The following ABCA10 variants were observed in gnomAD, a reference collection of about 807,000 sequenced individuals.
ABCA10 encodes the protein ATP binding cassette subfamily A member 10, also known as ATP-binding cassette sub-family A member 10.
Under a neutral mutation model 187.5 loss-of-function variants are expected in ABCA10, and 169 were observed. The observed-to-expected ratio is 0.90, with a 90% confidence interval of 0.80 to 1.02. The LOEUF is 1.02. Among genes scored for constraint, ABCA10 ranks in the 50% least tolerant of loss-of-function variants. The pLI is 0.00. For missense variants in ABCA10, 1,727 were observed against 1,812.4 expected (o/e 0.95, Z 0.86); for synonymous variants, 574 against 601.8 (o/e 0.95, Z 0.68).
intron 1 of ABCA10, among the ~76,000 whole-genome samples, chr17:69,241,599 C>T (rs1415131757): frequency 6.6e-6 from 1 of 152,174 alleles, no homozygotes; most frequent in Admixed American, 6.5e-5. Flanking sequence ...ATATGCCACT[C>T]ACACCTTGCC....
chr17:69,208,482 A>C (rs1246905815), intron 9 of ABCA10, among the ~76,000 whole-genome samples: 3 of 151,876 alleles, frequency 2.0e-5, no homozygotes, highest in African/African-American at 7.3e-5. Context: ...ACAGAAAACC[A>C]AAAATTTAGT....
chr17:69,219,249 G>A (rs886102783), intron 6 of ABCA10, among the ~76,000 whole-genome samples: 3 of 152,156 alleles, frequency 2.0e-5, no homozygotes, highest in Non-Finnish European at 4.4e-5. Context: ...CACCCATACT[G>A]CAGACAAATG....
In ABCA10 at chr17:69,155,786, T is replaced by C. The variant is rs755588169; in HGVS notation, c.3576+19A>G. 2.5e-6 allele frequency: 4 copies of C among 1,612,068 alleles called. No homozygotes were observed. In the East Asian group the frequency reaches 8.9e-5, roughly 36 times the overall value. On this transcript the variant is annotated intron_variant, in intron 29 of 38. Transcript: ENST00000690296. Reference sequence around the variant, plus strand: ...AACTATCTGAGCATTTTATTAAGGGTCTAATCCCTGCTGTTCACCTCCTCC... The same window carrying C: ...AACTATCTGAGCATTTTATTAAGGGCCTAATCCCTGCTGTTCACCTCCTCC...
chr17:69,165,005 G>A lies in ABCA10; in HGVS notation c.3241C>T (p.Pro1081Ser), dbSNP rs1278301958. The A allele has an allele frequency of 1.9e-6, 3 of 1,613,142 alleles. No individual in the cohort carries two copies. Among genetic ancestry groups the A allele is most frequent in the East Asian group, 2.2e-5 (1 of 44,804 alleles). ...LNLILCMIFI[P>S]SFTLLGYVML... ...ACATACCCCAGCAAAGTGAAGGAAG[G>A]TATGAAAATCATGCACAAAATTAAG... Residue 1081 changes from proline to serine, a missense_variant, in exon 26 of 39, where the codon CCT becomes TCT. Coordinates refer to ENST00000690296, the MANE Select transcript of ABCA10 (RefSeq NM_001377321.1).
Position 69,185,578 on chromosome 17 carries a change from C to T in ABCA10, c.2396G>A (p.Arg799His), listed in dbSNP as rs141143818. Residue 799 changes from arginine (R) to histidine (H), a missense_variant, in exon 20 of 39, where the codon CGT (arginine) becomes CAT (histidine). Transcript: ENST00000690296. ...TGAAAACTCCCAACAATGAGTTTCA[C>T]GAGTTACTTTATACATTATCTTCTC... The part of the protein sequence containing the change: ...ILEKIMYKVT[R>H]ETHCWEFSPS... The T allele has an allele frequency of 2.2e-4, 358 of 1,612,830 alleles. No homozygotes were observed. In the African/African-American group the frequency reaches 4.0e-3, roughly 18 times the overall value.
intron 10 of ABCA10, among the ~76,000 whole-genome samples, 167 bp downstream of exon 10, chr17:69,201,333 G>A (rs182748988): frequency 2.4e-4 from 37 of 152,246 alleles, no homozygotes; most frequent in African/African-American, 7.9e-4. Context: ...ACTGTTGATA[G>A]TATCAACAGT....
At position 69,153,414 on chromosome 17, in the gene ABCA10, A is replaced by T; in HGVS notation, c.4042-15T>A. Reference sequence around the variant, plus strand: ...ACAAAGCACAGCTGCAATGCAAGGAACAGCCCGTCGGCACCCAGCCATGGG... The same window carrying T: ...ACAAAGCACAGCTGCAATGCAAGGATCAGCCCGTCGGCACCCAGCCATGGG... On this transcript the variant is annotated splice_polypyrimidine_tract_variant and intron_variant, in intron 33 of 38. Transcript: ENST00000690296. 6.2e-7 allele frequency: 1 copy of T among 1,613,732 alleles called. No homozygotes were observed. The highest frequency in any genetic ancestry group is 1.3e-5 in the African/African-American group (1 of 75,048).
intron 8 of ABCA10, 178 bp downstream of exon 8, chr17:69,215,637 G>T: frequency 1.9e-6 from 1 of 528,010 alleles, no homozygotes; most frequent in South Asian, 5.7e-5. Context: ...CAAATGATCT[G>T]CCTGCTTTGT....
Position 69,153,944 on chromosome 17 carries a change from C to A in ABCA10, c.3852G>T (p.Gly1284=). The A allele has an allele frequency of 6.2e-7, 1 of 1,614,048 alleles. No homozygotes were observed. Among genetic ancestry groups the A allele is most frequent in the Non-Finnish European group, 8.5e-7 (1 of 1,179,980 alleles). ...QQHDNSLKFL[G]YCPQENSLWP... Reference sequence around the variant, plus strand: ...ACAGTGAGTTCTCCTGAGGGCAGTACCCCAAGAACTTGAGGCTGTTGTCAT... The same window carrying A: ...ACAGTGAGTTCTCCTGAGGGCAGTAACCCAAGAACTTGAGGCTGTTGTCAT... Residue 1284 remains glycine, a synonymous_variant, in exon 32 of 39, where the codon GGG becomes GGT. Transcript: ENST00000690296.
chr17:69,242,051 TATG>T (rs1279161830), intron 1 of ABCA10, among the ~76,000 whole-genome samples: 4 of 152,212 alleles, frequency 2.6e-5, no homozygotes, highest in African/African-American at 9.6e-5. Context: ...AATTAGCAGA[TATG>T]ATAACACTAG....
At chr17:69,199,955 A>G (rs1283277325) in intron 10 of ABCA10, among the ~76,000 whole-genome samples, 3 of 152,216 alleles carry the variant, frequency 2.0e-5, no homozygotes, top group Non-Finnish European at 2.9e-5. Flanking sequence ...GACTTGAAAG[A>G]CTACTAAAAA....
chr17:69,164,824 CT>C (rs766895564), intron 26 of ABCA10, 139 bp downstream of exon 26: 14 of 1,148,598 alleles, frequency 1.2e-5, no homozygotes, highest in Non-Finnish European at 1.7e-5. Flanking sequence ...TTTTATACAG[CT>C]TTAAAATCTT....
Position 69,162,962 on chromosome 17 carries a change from C to T in ABCA10, c.3363+1112G>A, listed in dbSNP as rs189909353. On this transcript the variant is annotated intron_variant, in intron 27 of 38. Transcript: ENST00000690296. Reference sequence around the variant, plus strand: ...AATCGATTCTCCTGCCTCAGCCTCCCGAGTAGCTGGAATTACAGGCACATG... The same window carrying T: ...AATCGATTCTCCTGCCTCAGCCTCCTGAGTAGCTGGAATTACAGGCACATG... Among the ~76,000 whole-genome samples the T allele has an allele frequency of 4.9e-4, 74 of 151,832 alleles. 1 individual carries two copies. Among genetic ancestry groups the T allele is most frequent in the African/African-American group, 1.7e-3 (70 of 41,394 alleles).
intron 18 of ABCA10, 82 bp downstream of exon 18, chr17:69,190,276 A>C (rs1294716825): frequency 4.3e-6 from 6 of 1,406,906 alleles, no homozygotes; most frequent in Non-Finnish European, 5.6e-6. Context: ...TCCACATAAA[A>C]ATCTACAAAT....
Position 69,165,102 on chromosome 17 carries a change from G to A in ABCA10, c.3163-19C>T, listed in dbSNP as rs2074246060. On this transcript the variant is annotated intron_variant, in intron 25 of 38. Coordinates refer to ENST00000690296, the MANE Select transcript of ABCA10 (RefSeq NM_001377321.1). ...TTAAGATCTAGAAAAAAATCCAGAA[G>A]TATTATAATTTTCTCAGTTATATTT... 1.3e-6 allele frequency: 2 copies of A among 1,503,902 alleles called. No homozygotes were observed. Among genetic ancestry groups the A allele is most frequent in the Non-Finnish European group, 1.8e-6 (2 of 1,086,076 alleles). 93.2% of individuals were successfully genotyped at this position (1,503,902 alleles called of 1,614,324 possible). A position where few individuals can be genotyped will look rare whatever the true frequency, so the allele number is the denominator to read the frequency against.
Position 69,214,763 on chromosome 17 carries a change from A to C in ABCA10, c.947T>G (p.Leu316Trp). ...CAAATAGAAAAGAGTATCAAATGCCAAAATGAAAAAAGTGGCTATCATTTT... is the reference window on the plus strand; with the variant it reads ...CAAATAGAAAAGAGTATCAAATGCCCAAATGAAAAAAGTGGCTATCATTTT... ...SYKMIATFFI[L>W]AFDTLFYLIF... The change falls in exon 9 of 39, where the codon TTG becomes TGG. Residue 316 changes from leucine (L) to tryptophan (W), a missense_variant. Transcript: ENST00000690296. The C allele has an allele frequency of 6.6e-7, 1 of 1,517,332 alleles. No homozygotes were observed. Among genetic ancestry groups the C allele is most frequent in the Middle Eastern group, 1.7e-4 (1 of 5,732 alleles). 94.0% of individuals were successfully genotyped at this position (1,517,332 alleles called of 1,614,324 possible). A position where few individuals can be genotyped will look rare whatever the true frequency, so the allele number is the denominator to read the frequency against.
At chr17:69,179,297 A>G (rs920662763) in intron 22 of ABCA10, among the ~76,000 whole-genome samples, 1 of 152,220 alleles carries the variant, frequency 6.6e-6, no homozygotes, top group African/African-American at 2.4e-5. Context: ...AGCAATCAAC[A>G]ACGAATGTAT....
intron 30 of ABCA10, 41 bp from the exon 31 acceptor site, chr17:69,154,367 T>C (rs781767345): frequency 6.9e-6 from 10 of 1,454,880 alleles, no homozygotes; most frequent in East Asian, 4.6e-5. Context: ...ATTTTCAAGG[T>C]TGACTAATCT....
intron 27 of ABCA10, among the ~76,000 whole-genome samples, chr17:69,158,476 A>G (rs1272951874): frequency 6.6e-6 from 1 of 151,952 alleles, no homozygotes; most frequent in East Asian, 1.9e-4. Flanking sequence ...TTTTATGGCA[A>G]ATAAATAAAT....
Sources: allele counts gnomAD v4.1 joint callset (sites outside exome capture counted in the v4.1 genomes callset), GRCh38; gene constraint gnomAD v4.1.1; transcripts MANE v1.5; gene names NCBI Gene and HGNC (gene_info 2026-07-23, HGNC 2026-07-21).